Variants in ARL3 observed in about 807,000 individuals in gnomAD.
ARL3 encodes ARF like GTPase 3.
Under a neutral mutation model 26.0 loss-of-function variants are expected in ARL3, and 9 were observed. The observed-to-expected ratio is 0.35, with a 90% CI of 0.21 to 0.60. The LOEUF (loss-of-function observed/expected upper bound fraction) is 0.60. Ranked by LOEUF, ARL3 falls within the 20% of genes least tolerant of loss-of-function variation. ARL3 has a pLI of 0.78. For missense variants in ARL3, 158 were observed against 215.7 expected (o/e 0.73, Z 1.67); for synonymous variants, 71 against 78.4 (o/e 0.91, Z 0.50).
chr10:102,681,898 G>A (rs994556368), intron 5 of ARL3, among the ~76,000 whole-genome samples: 3 of 152,208 alleles, frequency 2.0e-5, no homozygotes, highest in African/African-American at 7.2e-5. Context: ...ACAGCAGAAA[G>A]AGCTGTGGTT....
chr10:102,702,819 T>C (rs1010494430), intron 2 of ARL3, among the ~76,000 whole-genome samples: 1 of 152,184 alleles, frequency 6.6e-6, no homozygotes, highest in Non-Finnish European at 1.5e-5. Context: ...GTTCATTTGG[T>C]AGCAGTTGAA....
intron 1 of ARL3, among the ~76,000 whole-genome samples, chr10:102,708,908 A>ATATATATATATATATATATATTT: frequency 4.2e-5 from 4 of 95,326 alleles, no homozygotes; most frequent in African/African-American, 1.3e-4. Flanking sequence ...ATATATATAT[A>ATATATATATATATATATATATTT]TTTTTTTTTT....
At chr10:102,682,844 G>A (rs2064162321) in intron 5 of ARL3, among the ~76,000 whole-genome samples, 3 of 152,040 alleles carry the variant, frequency 2.0e-5, no homozygotes, top group Non-Finnish European at 2.9e-5. Flanking sequence ...GTTAGAATCA[G>A]ATGTCACCTG....
chr10:102,704,606 C>CTTCA (rs1485003764), intron 2 of ARL3, among the ~76,000 whole-genome samples: 8 of 152,080 alleles, frequency 5.3e-5, no homozygotes, highest in African/African-American at 1.9e-4. Context: ...CACTACCACA[C>CTTCA]TTCAGCCTGT....
intron 5 of ARL3, among the ~76,000 whole-genome samples, chr10:102,680,891 G>A (rs954416611): frequency 3.3e-5 from 5 of 152,130 alleles, no homozygotes; most frequent in Non-Finnish European, 7.3e-5. Flanking sequence ...CTCGCTATTA[G>A]TAGTTTTTTT....
chr10:102,700,059 T>C (rs1285977299), intron 2 of ARL3, among the ~76,000 whole-genome samples: 1 of 152,060 alleles, frequency 6.6e-6, no homozygotes, highest in Admixed American at 6.5e-5. Flanking sequence ...ATCAGCCCAG[T>C]AGGGAGGTGG....
chr10:102,714,199 T>C (rs1451457483), intron 1 of ARL3, 74 bp downstream of exon 1: 34 of 1,306,974 alleles, frequency 2.6e-5, no homozygotes, highest in Admixed American at 3.1e-5. Context: ...TTAAGCGCAG[T>C]GCTCCGCCCT....
At chr10:102,681,174 G>T (rs1479564660) in intron 5 of ARL3, among the ~76,000 whole-genome samples, 2 of 151,554 alleles carry the variant, frequency 1.3e-5, no homozygotes, top group African/African-American at 2.4e-5. Context: ...GATCACCTGA[G>T]GTCAGGAGTT....
intron 5 of ARL3, among the ~76,000 whole-genome samples, chr10:102,677,171 C>T (rs1475742127): frequency 1.3e-5 from 2 of 152,176 alleles, no homozygotes; most frequent in African/African-American, 4.8e-5. Flanking sequence ...GGGGGATGCC[C>T]AGCGCCTGAA....
intron 1 of ARL3, among the ~76,000 whole-genome samples, chr10:102,706,241 G>A (rs180786252): frequency 6.6e-6 from 1 of 152,234 alleles, no homozygotes; most frequent in East Asian, 1.9e-4. Flanking sequence ...CACGAGGTCA[G>A]GAGATCGAGA....
chr10:102,686,022 G>A (rs2135998170), intron 4 of ARL3, 21 bp from the exon 5 acceptor site: 1 of 1,599,720 alleles, frequency 6.3e-7, no homozygotes, highest in East Asian at 2.2e-5. Flanking sequence ...AGAAGGGAGA[G>A]GGAGGGAAGG....
chr10:102,686,032 G>T, intron 4 of ARL3, 31 bp from the exon 5 acceptor site: 1 of 1,546,822 alleles, frequency 6.5e-7, no homozygotes, highest in Non-Finnish European at 8.9e-7. Flanking sequence ...GGGAGGGAAG[G>T]TTAAAATCTA....
At chr10:102,709,045 T>C (rs1001896200) in intron 1 of ARL3, among the ~76,000 whole-genome samples, 2 of 151,058 alleles carry the variant, frequency 1.3e-5, no homozygotes, top group Non-Finnish European at 3.0e-5. Flanking sequence ...GCTGGGACTA[T>C]AGATGTGTAC....
intron 1 of ARL3, among the ~76,000 whole-genome samples, chr10:102,708,452 A>G (rs2064320568): frequency 6.6e-6 from 1 of 152,148 alleles, no homozygotes; most frequent in African/African-American, 2.4e-5. Context: ...AAATTATAAA[A>G]CATCTGGAAT....
At chr10:102,682,703 G>A (rs2064161559) in intron 5 of ARL3, among the ~76,000 whole-genome samples, 1 of 152,202 alleles carries the variant, frequency 6.6e-6, no homozygotes, top group African/African-American at 2.4e-5. Context: ...AGCAGTACAA[G>A]ACAGGTCTCT....
chr10:102,699,514 GT>G, intron 2 of ARL3, 25 bp from the exon 3 acceptor site: 2 of 1,356,450 alleles, frequency 1.5e-6, no homozygotes, highest in South Asian at 1.2e-5. Context: ...AAAACATCAA[GT>G]TTTATTAAAC....
At chr10:102,689,437 C>G (rs893089873) in intron 4 of ARL3, among the ~76,000 whole-genome samples, 3 of 152,256 alleles carry the variant, frequency 2.0e-5, no homozygotes, top group Non-Finnish European at 4.4e-5. Flanking sequence ...GGTTAACAAA[C>G]AAAACAAAAC....
chr10:102,684,817 T>C (rs867290775), intron 5 of ARL3, among the ~76,000 whole-genome samples: 1 of 151,700 alleles, frequency 6.6e-6, no homozygotes, highest in South Asian at 2.1e-4. Flanking sequence ...TTTTTTTGTA[T>C]TTTTAGTAGA....
At chr10:102,714,198 G>C (rs1196285214) in intron 1 of ARL3, 75 bp downstream of exon 1, 1 of 1,306,712 alleles carries the variant, frequency 7.7e-7, no homozygotes, top group Non-Finnish European at 9.8e-7. Context: ...TTTAAGCGCA[G>C]TGCTCCGCCC....
Sources: allele counts gnomAD v4.1 joint callset (sites outside exome capture counted in the v4.1 genomes callset), GRCh38; gene constraint gnomAD v4.1.1; transcripts MANE v1.5; gene names NCBI Gene and HGNC (gene_info 2026-07-23, HGNC 2026-07-21).